LARGE1: variants seen among roughly 807,000 people sequenced by gnomAD.
LARGE1 encodes the protein xylosyl- and glucuronyltransferase LARGE1.
In LARGE1, 43 loss-of-function variants were observed where a neutral mutation model predicts 87.6. The ratio of observed to expected loss-of-function variants is 0.49; its 90% confidence interval spans 0.38 to 0.63. The LOEUF is 0.63. Among genes scored for constraint, LARGE1 ranks in the 30% least tolerant of loss-of-function variants. The pLI is 0.00. For synonymous variants in LARGE1, 434 were observed against 394.6 expected (o/e 1.10, Z -1.18); for missense variants, 802 against 1,000.2 (o/e 0.80, Z 2.67).
chr22:33,654,119 T>C (rs935491145), intron 2 of LARGE1, among the ~76,000 whole-genome samples: 1 of 152,160 alleles, frequency 6.6e-6, no homozygotes, highest in Non-Finnish European at 1.5e-5. Flanking sequence ...CTCAAAGACG[T>C]GCGGGGGTTT....
At chr22:33,469,387 C>T (rs953587616) in intron 6 of LARGE1, among the ~76,000 whole-genome samples, 1 of 152,262 alleles carries the variant, frequency 6.6e-6, no homozygotes, top group Non-Finnish European at 1.5e-5. Context: ...TGCAGCAATA[C>T]GGATGGAGCT....
At chr22:33,123,666 C>T in the LARGE1 span, among the ~76,000 whole-genome samples, 1 of 152,174 alleles carries the variant, frequency 6.6e-6, no homozygotes, top group Non-Finnish European at 1.5e-5. Context: ...ATGAAAGCAT[C>T]TTAGTTTGGG....
At chr22:33,684,564 T>C (rs921064169) in intron 2 of LARGE1, among the ~76,000 whole-genome samples, 18 of 152,182 alleles carry the variant, frequency 1.2e-4, no homozygotes, top group African/African-American at 2.7e-4. Context: ...GGGACAGTTA[T>C]TGGTTGCCTG....
Position 33,816,643 on chromosome 22 carries a change from G to A in LARGE1, c.-82-55085C>T, listed in dbSNP as rs111971651. Among the ~76,000 whole-genome samples, 683 of 151,498 alleles carry A rather than the reference G, an allele frequency of 4.5e-3. 3 individuals carry two copies. The highest frequency in any genetic ancestry group is 0.015 in the African/African-American group (630 of 41,114). On this transcript the variant is annotated intron_variant, in intron 1 of 14. Coordinates refer to ENST00000397394, the MANE Select transcript of LARGE1 (RefSeq NM_133642.5). ...AGGCAGGCAGGCGGGAGGGCGGGTG[G>A]ACATACAGACAGACGGATGCACGGA...
At chr22:33,172,166 T>A (rs1184749867) in intron 11 of LARGE1, among the ~76,000 whole-genome samples, 2 of 152,238 alleles carry the variant, frequency 1.3e-5, no homozygotes, top group Non-Finnish European at 2.9e-5. Context: ...TTTGGCCAAT[T>A]TCTCCCATTT....
In LARGE1 at chr22:33,878,123, GTATT is replaced by G. The variant is rs2064528539; in HGVS notation, c.-83+41868_-83+41871del. 2.0e-4 allele frequency among the ~76,000 whole-genome samples: 12 copies of G among 61,514 alleles called. No individual in the cohort carries two copies. In the South Asian group the frequency reaches 6.0e-3, roughly 31 times the overall value. 40.4% of individuals were successfully genotyped at this position (61,514 alleles called of 152,430 possible). On this transcript the variant is annotated intron_variant, in intron 1 of 14. Coordinates refer to ENST00000397394, the MANE Select transcript of LARGE1 (RefSeq NM_133642.5). ...TAAAATTATGTATGTTGTTTATATT[GTATT>G]TCTTTTTTTTTTTTTTTTTTTTTTT...
chr22:33,795,536 T>A (rs907328643), intron 1 of LARGE1, among the ~76,000 whole-genome samples: 2 of 152,182 alleles, frequency 1.3e-5, no homozygotes, highest in African/African-American at 2.4e-5. Context: ...CTATAAATCA[T>A]GCTGCTATAA....
rs144063557 is a variant in LARGE1 at position 33,657,385 on chromosome 22, G to A, written c.107-6717C>T. Among the ~76,000 whole-genome samples, 836 of 152,180 alleles carry A rather than the reference G, an allele frequency of 5.5e-3. 7 individuals are homozygous for A. The highest frequency in any genetic ancestry group is 0.019 in the African/African-American group (773 of 41,514). ...CCATTTGATTTCAAACATCTCATCC[G>A]AAGCCAAGCCTCTTAATCTTATCCT... is the stretch of plus-strand genomic sequence containing the variant. On this transcript the variant is annotated intron_variant, in intron 2 of 14. Transcript: ENST00000397394.
chr22:33,408,311 TAAG>T (rs1249022604), intron 7 of LARGE1, among the ~76,000 whole-genome samples: 1 of 151,844 alleles, frequency 6.6e-6, no homozygotes. Flanking sequence ...AAGGAAAAAA[TAAG>T]GAGGAGTACA....
downstream of LARGE1, among the ~76,000 whole-genome samples, chr22:33,267,668 G>C (rs181347593): frequency 2.0e-5 from 3 of 151,214 alleles, no homozygotes; most frequent in Non-Finnish European, 4.4e-5. Context: ...CTTCTAAGTG[G>C]AGCTTTTTAC....
intron 6 of LARGE1, among the ~76,000 whole-genome samples, chr22:33,469,221 C>T (rs532361564): frequency 6.6e-6 from 1 of 152,270 alleles, no homozygotes; most frequent in East Asian, 1.9e-4. Context: ...ATCATAAAGA[C>T]ACATGCACAC....
At chr22:33,903,347 G>C (rs1424531977) in intron 1 of LARGE1, among the ~76,000 whole-genome samples, 1 of 152,030 alleles carries the variant, frequency 6.6e-6, no homozygotes, top group Non-Finnish European at 1.5e-5. Context: ...AGGACAGTGA[G>C]AAAATACATT....
chr22:33,784,707 T>G (rs1183860558), intron 1 of LARGE1, among the ~76,000 whole-genome samples: 1 of 152,086 alleles, frequency 6.6e-6, no homozygotes, highest in African/African-American at 2.4e-5. Context: ...AATCTTTATT[T>G]TATTTATATA....
Position 33,860,000 on chromosome 22 carries a change from A to T in LARGE1, c.-83+59995T>A, listed in dbSNP as rs567821749. On this transcript the variant is annotated intron_variant, in intron 1 of 14. Coordinates refer to ENST00000397394, the MANE Select transcript of LARGE1 (RefSeq NM_133642.5). The stretch of plus-strand genomic sequence containing the variant: ...TAGGGAGTTCTTGTTCAAAGGATGC[A>T]CAATTTCAGTTCTGCAAGATCCAAA... 5.9e-5 allele frequency among the ~76,000 whole-genome samples: 9 copies of T among 152,310 alleles called. No individual in the cohort carries two copies. In the South Asian group the frequency reaches 1.2e-3, roughly 21 times the overall value.
chr22:33,415,493 G>A (rs1015231634), intron 7 of LARGE1, among the ~76,000 whole-genome samples: 1 of 152,186 alleles, frequency 6.6e-6, no homozygotes, highest in Non-Finnish European at 1.5e-5. Flanking sequence ...CAATGGTAGA[G>A]CAACTCTTCT....
At position 33,795,448 on chromosome 22, in the gene LARGE1, A is replaced by G. The variant is rs187247415; in HGVS notation, c.-82-33890T>C. Among the ~76,000 whole-genome samples the G allele has an allele frequency of 2.4e-3, 366 of 152,244 alleles. 4 individuals carry two copies. The highest frequency in any genetic ancestry group is 8.2e-3 in the African/African-American group (339 of 41,562). Reference sequence around the variant, plus strand: ...GGAGGGAGAGGGAGAGAGAGAGACAAAGAGAGAAACACACTAGACATAGTG... The same window carrying G: ...GGAGGGAGAGGGAGAGAGAGAGACAGAGAGAGAAACACACTAGACATAGTG... On this transcript the variant is annotated intron_variant, in intron 1 of 14. Coordinates refer to ENST00000397394, the MANE Select transcript of LARGE1 (RefSeq NM_133642.5).
chr22:33,748,195 G>T (rs1168741735), intron 2 of LARGE1, among the ~76,000 whole-genome samples: 1 of 147,142 alleles, frequency 6.8e-6, no homozygotes, highest in Non-Finnish European at 1.5e-5. Flanking sequence ...GCAGTGGCAT[G>T]ATCTCGGCTC....
chr22:33,693,515 A>T (rs1364527168), intron 2 of LARGE1, among the ~76,000 whole-genome samples: 2 of 152,238 alleles, frequency 1.3e-5, no homozygotes, highest in African/African-American at 2.4e-5. Flanking sequence ...AACAAACAAG[A>T]GTCATTCTAC....
At chr22:33,536,236 C>T (rs566031825) in intron 6 of LARGE1, among the ~76,000 whole-genome samples, 12 of 152,150 alleles carry the variant, frequency 7.9e-5, no homozygotes, top group East Asian at 3.9e-4. Context: ...GAGAACAGAA[C>T]GAAAGGGCAT....
Sources: allele counts gnomAD v4.1 joint callset (sites outside exome capture counted in the v4.1 genomes callset), GRCh38; gene constraint gnomAD v4.1.1; transcripts MANE v1.5; gene names NCBI Gene and HGNC (gene_info 2026-07-23, HGNC 2026-07-21).